Variants in DAB1 observed in about 807,000 individuals in gnomAD.
DAB1 encodes disabled homolog 1.
A neutral mutation model predicts 64.6 loss-of-function variants in DAB1; 15 were observed. The ratio of observed to expected loss-of-function variants is 0.23; its 90% CI spans 0.16 to 0.36. The LOEUF (loss-of-function observed/expected upper bound fraction) is 0.36. DAB1 is among the 10% of genes least tolerant of loss of function. The pLI, the probability that DAB1 is intolerant of heterozygous loss-of-function variation, is 1.00. For synonymous variants in DAB1, 235 were observed against 251.9 expected, an observed-to-expected ratio of 0.93 and a Z score of 0.64; for missense variants, 596 against 706.7, an observed-to-expected ratio of 0.84 and a Z score of 1.78.
intron 6 of DAB1, among the ~76,000 whole-genome samples, chr1:57,787,120 G>A (rs1236708222): frequency 1.3e-5 from 2 of 152,114 alleles, no homozygotes; most frequent in African/African-American, 4.8e-5. Context: ...CACAATCCCA[G>A]TCAAAATTCT....
intron 2 of DAB1, among the ~76,000 whole-genome samples, chr1:57,276,829 T>G (rs941424999): frequency 1.3e-5 from 2 of 152,214 alleles, no homozygotes; most frequent in African/African-American, 4.8e-5. Flanking sequence ...AAACTATAAT[T>G]GTTTCTTATT....
intron 1 of DAB1, among the ~76,000 whole-genome samples, chr1:57,400,128 A>T (rs1683123201): frequency 6.6e-6 from 1 of 152,208 alleles, no homozygotes; most frequent in African/African-American, 2.4e-5. Flanking sequence ...TTGGCAACGC[A>T]AAGGGCTTGT....
chr1:58,390,236 C>T (rs922567200), intron 3 of DAB1, among the ~76,000 whole-genome samples: 2 of 152,088 alleles, frequency 1.3e-5, no homozygotes, highest in African/African-American at 4.8e-5. Context: ...CCCACCCCAC[C>T]CCTACCCCCA....
At position 57,369,050 on chromosome 1, in the gene DAB1, A is replaced by G. The variant is rs534838410; in HGVS notation, c.-137+54880T>C. 2.6e-5 allele frequency among the ~76,000 whole-genome samples: 4 copies of G among 152,346 alleles called. No homozygotes were observed. In the South Asian group the frequency reaches 8.3e-4, roughly 32 times the overall value. ...ATTGTGGTGCCAGAAAATGCATAAA[A>G]GAATGCAAATCAAGGAGACAGGCAA... On this transcript the variant is annotated intron_variant, in intron 1 of 14. Transcript: ENST00000371236.
intron 11 of DAB1, among the ~76,000 whole-genome samples, chr1:57,022,533 T>A (rs958566955): frequency 1.3e-5 from 2 of 152,264 alleles, no homozygotes; most frequent in African/African-American, 4.8e-5. Context: ...CCTTAGCTCA[T>A]GAGTAATAAC....
chr1:57,469,670 T>A (rs1333798479), intron 7 of DAB1, among the ~76,000 whole-genome samples: 4 of 152,190 alleles, frequency 2.6e-5, no homozygotes, highest in African/African-American at 7.2e-5. Flanking sequence ...CTTAGCCTTG[T>A]CATTTGAACC....
intron 4 of DAB1, among the ~76,000 whole-genome samples, chr1:58,210,125 T>C (rs1245004529): frequency 1.3e-5 from 2 of 152,246 alleles, no homozygotes; most frequent in African/African-American, 2.4e-5. Context: ...TTGAGGTTGA[T>C]ATTTTTACAC....
chr1:57,149,864 T>C (rs1254535928), intron 2 of DAB1, among the ~76,000 whole-genome samples: 2 of 152,194 alleles, frequency 1.3e-5, no homozygotes, highest in Non-Finnish European at 2.9e-5. Context: ...AGACAAGTAG[T>C]TCACAAGCAC....
At chr1:58,163,865 A>G (rs1162380744) in intron 4 of DAB1, among the ~76,000 whole-genome samples, 1 of 152,190 alleles carries the variant, frequency 6.6e-6, no homozygotes, top group Non-Finnish European at 1.5e-5. Flanking sequence ...GGCTGAGAAC[A>G]TGCACATAGC....
At chr1:58,277,332 G>A (rs994535734) in intron 4 of DAB1, among the ~76,000 whole-genome samples, 1 of 152,046 alleles carries the variant, frequency 6.6e-6, no homozygotes, top group African/African-American at 2.4e-5. Context: ...GACCCACCGC[G>A]CCCAGCCGAT....
chr1:57,486,491 TTGTC>T (rs564208072), intron 7 of DAB1, among the ~76,000 whole-genome samples: 34 of 152,332 alleles, frequency 2.2e-4, no homozygotes, highest in African/African-American at 8.2e-4. Flanking sequence ...TTTGTCTTAA[TTGTC>T]TGTCTGTGTG....
chr1:57,006,384 T>C (rs537381010), intron 14 of DAB1, among the ~76,000 whole-genome samples: 1 of 152,348 alleles, frequency 6.6e-6, no homozygotes, highest in African/African-American at 2.4e-5. Flanking sequence ...CTTAGCACAG[T>C]GACTGGCACC....
intron 4 of DAB1, among the ~76,000 whole-genome samples, chr1:58,300,646 G>GAAAGGAAGGAAGGA (rs1553173953): frequency 3.0e-4 from 17 of 57,332 alleles, no homozygotes; most frequent in East Asian, 6.6e-4. Context: ...GAGAGAGAGA[G>GAAAGGAAGGAAGGA]AGGAAGGAAG....
At position 57,789,240 on chromosome 1, in the gene DAB1, C is replaced by T. The variant is rs952911311; in HGVS notation, n.551+94759G>A. 2.0e-5 allele frequency among the ~76,000 whole-genome samples: 3 copies of T among 152,284 alleles called. No homozygotes were observed. The South Asian group carries it at 6.2e-4, about 32-fold the overall frequency. On this transcript the variant is annotated intron_variant and non_coding_transcript_variant, in intron 6 of 20. Coordinates refer to the DAB1 transcript ENST00000485760. ...TGCAAGGGAGAATGCCAGGTATTCTCTCTGAGATATCTATTTATGCAGCAG... is the reference window on the plus strand; with the variant it reads ...TGCAAGGGAGAATGCCAGGTATTCTTTCTGAGATATCTATTTATGCAGCAG...
intron 2 of DAB1, among the ~76,000 whole-genome samples, chr1:57,222,254 C>T (rs1666938217): frequency 6.6e-6 from 1 of 152,134 alleles, no homozygotes; most frequent in Non-Finnish European, 1.5e-5. Flanking sequence ...TTCCTTCCTT[C>T]CTTGCTCCTT....
chr1:57,185,361 G>A (rs2100983801), intron 2 of DAB1, among the ~76,000 whole-genome samples: 1 of 152,310 alleles, frequency 6.6e-6, no homozygotes, highest in African/African-American at 2.4e-5. Context: ...AAAGAATAGA[G>A]GAGGACAGAA....
chr1:57,534,630 T>A (rs565934975), intron 7 of DAB1, among the ~76,000 whole-genome samples: 2 of 152,254 alleles, frequency 1.3e-5, no homozygotes, highest in East Asian at 3.9e-4. Context: ...TTGCCTTAGG[T>A]CTTGGCTCTA....
chr1:58,136,498 C>T (rs1324777413), intron 5 of DAB1, among the ~76,000 whole-genome samples: 2 of 152,198 alleles, frequency 1.3e-5, no homozygotes, highest in African/African-American at 4.8e-5. Context: ...GCTGAGCTCA[C>T]TAGTCACAGC....
chr1:58,327,383 G>T (rs114465564), intron 4 of DAB1, among the ~76,000 whole-genome samples: 2,396 of 152,132 alleles, frequency 0.016, 86 homozygotes, highest in African/African-American at 0.055. Context: ...GAACTGTCAG[G>T]CCCAGCCCAA....
Sources: gnomAD v4.1 joint callset for allele counts (sites outside exome capture counted in the v4.1 genomes callset) on GRCh38, gnomAD v4.1.1 for gene constraint, MANE v1.5 for transcripts, NCBI Gene and HGNC (gene_info 2026-07-23, HGNC 2026-07-21) for gene names.